Variants in DMD observed in about 807,000 individuals in gnomAD.
DMD encodes the protein mutant dystrophin.
In DMD, 63 loss-of-function variants were observed where a neutral mutation model predicts 330.1. The observed-to-expected ratio is 0.19, with a 90% CI of 0.16 to 0.24. The LOEUF (loss-of-function observed/expected upper bound fraction) is 0.24, where lower values mean the gene tolerates loss of function less well. Ranked by LOEUF, DMD falls within the 10% of genes least tolerant of loss-of-function variation. The pLI is 1.00. For missense variants in DMD, 3,344 were observed against 2,684.1 expected, an observed-to-expected ratio of 1.25 and a Z score of -5.43; for synonymous variants, 1,223 against 959.8, an observed-to-expected ratio of 1.27 and a Z score of -5.07.
At chrX:32,315,395 T>C (rs777966602) in intron 41 of DMD, among the ~76,000 whole-genome samples, 5 of 110,482 alleles carry the variant, frequency 4.5e-5, no homozygotes, top group African/African-American at 1.6e-4. Flanking sequence ...GGGATAGCAT[T>C]AGGAGAAATA....
At chrX:33,106,330 G>A (rs974265593) in intron 1 of DMD, among the ~76,000 whole-genome samples, 2 of 110,811 alleles carry the variant, frequency 1.8e-5, no homozygotes, top group Non-Finnish European at 3.8e-5. Flanking sequence ...TGGGTACAAC[G>A]TACACTACTC....
chrX:32,301,058 T>C (rs960676820), intron 42 of DMD, among the ~76,000 whole-genome samples: 6 of 109,509 alleles, frequency 5.5e-5, no homozygotes, highest in Non-Finnish European at 9.6e-5. Flanking sequence ...AGTAAACTAT[T>C]TTGGTAAAAC....
chrX:32,920,864 TA>T (rs1248392220), intron 2 of DMD, among the ~76,000 whole-genome samples: 1 of 112,199 alleles, frequency 8.9e-6, no homozygotes, highest in African/African-American at 3.2e-5. Flanking sequence ...AGAAAGTACC[TA>T]AAATAGAGAG....
chrX:33,143,633 C>T (rs976401774), intron 1 of DMD, among the ~76,000 whole-genome samples: 13 of 111,684 alleles, frequency 1.2e-4, no homozygotes, highest in Non-Finnish European at 1.5e-4. Flanking sequence ...TGTCACAGTT[C>T]TTACTGTTGA....
chrX:31,977,217 T>G lies in DMD; in HGVS notation c.6439-8703A>C, dbSNP rs2095442293. ...GCTTAAGAAATATTTGTTGATAAAT[T>G]GAGCAGAAAACTAAGCAAGATATTA... is the stretch of plus-strand genomic sequence containing the variant. On this transcript the variant is annotated intron_variant, in intron 44 of 78. Transcript: ENST00000357033. Among the ~76,000 whole-genome samples, 3 of 112,188 alleles carry G rather than the reference T, an allele frequency of 2.7e-5. No homozygotes were observed. In the South Asian group the frequency reaches 1.1e-3, roughly 41 times the overall value.
At chrX:32,474,366 C>G (rs1325403965) in intron 21 of DMD, among the ~76,000 whole-genome samples, 1 of 111,033 alleles carries the variant, frequency 9.0e-6, no homozygotes, top group Non-Finnish European at 1.9e-5. Flanking sequence ...ACTTTTTTTC[C>G]TCTGGGTAGA....
chrX:32,552,355 A>G (rs957195046), intron 16 of DMD, among the ~76,000 whole-genome samples: 2 of 111,715 alleles, frequency 1.8e-5, no homozygotes, highest in Middle Eastern at 4.6e-3. Context: ...AATCAACAAA[A>G]ACAAGCAATG....
chrX:32,406,424 C>T (rs1224253619), intron 30 of DMD, among the ~76,000 whole-genome samples: 1 of 110,185 alleles, frequency 9.1e-6, no homozygotes, highest in African/African-American at 3.4e-5. Context: ...TGAGATTTGT[C>T]CCATCAATAC....
chrX:32,638,562 C>T (rs2043292791), intron 11 of DMD, among the ~76,000 whole-genome samples: 2 of 111,547 alleles, frequency 1.8e-5, no homozygotes, highest in South Asian at 7.5e-4. Context: ...TGCTACTGGT[C>T]CTACACCACC....
chrX:32,589,826 C>A (rs1452325156), intron 13 of DMD, among the ~76,000 whole-genome samples: 1 of 111,490 alleles, frequency 9.0e-6, no homozygotes, highest in African/African-American at 3.3e-5. Flanking sequence ...ATTAACCACT[C>A]CTACAGGGGC....
At chrX:32,313,530 T>C (rs1270902215) in intron 41 of DMD, among the ~76,000 whole-genome samples, 1 of 111,133 alleles carries the variant, frequency 9.0e-6, no homozygotes, top group African/African-American at 3.3e-5. Context: ...CTATTCAACA[T>C]AGTATTGGAA....
At chrX:33,010,210 G>GTACATATGTGTGTA (rs1569549270) in intron 2 of DMD, among the ~76,000 whole-genome samples, 2 of 46,968 alleles carry the variant, frequency 4.3e-5, no homozygotes, top group African/African-American at 1.2e-4. Context: ...ATATGTGTGT[G>GTACATATGTGTGTA]TATATGTACA....
intron 55 of DMD, among the ~76,000 whole-genome samples, chrX:31,573,782 G>A (rs1248896863): frequency 9.0e-6 from 1 of 110,885 alleles, no homozygotes; most frequent in African/African-American, 3.3e-5. Flanking sequence ...GAGATAGAAG[G>A]CCCTTTAACC....
intron 7 of DMD, among the ~76,000 whole-genome samples, chrX:32,735,070 C>G (rs1284973071): frequency 4.5e-5 from 5 of 110,746 alleles, no homozygotes; most frequent in African/African-American, 1.7e-4. Context: ...AGCAAAGTCT[C>G]AGGATACAAA....
At chrX:31,495,243 C>G (rs148536303) in intron 57 of DMD, among the ~76,000 whole-genome samples, 1,474 of 109,687 alleles carry the variant, frequency 0.013, 19 homozygotes, top group African/African-American at 0.046. Flanking sequence ...AATATAAACC[C>G]TTGACCTTTC....
intron 63 of DMD, among the ~76,000 whole-genome samples, chrX:31,260,342 G>A (rs745987026): frequency 2.7e-5 from 3 of 112,392 alleles, no homozygotes; most frequent in African/African-American, 9.7e-5. Flanking sequence ...TTTGTCCAGT[G>A]TAAAAAGACT....
At chrX:31,759,830 T>A (rs1007131034) in intron 51 of DMD, among the ~76,000 whole-genome samples, 1 of 111,801 alleles carries the variant, frequency 8.9e-6, no homozygotes, top group Non-Finnish European at 1.9e-5. Context: ...GTTATCCTGG[T>A]AACAACTTCA....
At chrX:32,162,500 G>A (rs2096853206) in intron 44 of DMD, among the ~76,000 whole-genome samples, 1 of 110,355 alleles carries the variant, frequency 9.1e-6, no homozygotes, top group African/African-American at 3.3e-5. Context: ...CAATGAAGAT[G>A]GGTCACCAGA....
chrX:32,920,324 T>G (rs1300205922), intron 2 of DMD, among the ~76,000 whole-genome samples: 1 of 112,222 alleles, frequency 8.9e-6, no homozygotes, highest in South Asian at 3.7e-4. Flanking sequence ...CAATTATATC[T>G]GAACTTCAAA....
Sources: gnomAD v4.1 joint callset for allele counts (sites outside exome capture counted in the v4.1 genomes callset) on GRCh38, gnomAD v4.1.1 for gene constraint, MANE v1.5 for transcripts, NCBI Gene and HGNC (gene_info 2026-07-23, HGNC 2026-07-21) for gene names.